Variants in MLPH observed in about 807,000 individuals in gnomAD.
The protein encoded by MLPH is melanophilin, also known as exophilin-3.
MLPH carries 51 observed loss-of-function variants against 72.1 expected under a neutral mutation model. The ratio of observed to expected loss-of-function variants is 0.71; its 90% confidence interval spans 0.56 to 0.89. The LOEUF is 0.89. MLPH is among the 40% of genes least tolerant of loss of function. The pLI, the probability that MLPH is intolerant of heterozygous loss-of-function variation, is 0.00. For synonymous variants in MLPH, 301 were observed against 310.1 expected, an observed-to-expected ratio of 0.97 and a Z score of 0.31; for missense variants, 743 against 759.9, an observed-to-expected ratio of 0.98 and a Z score of 0.26.
At chr2:237,501,805 G>A (rs193158755) in intron 2 of MLPH, among the ~76,000 whole-genome samples, 30 of 151,606 alleles carry the variant, frequency 2.0e-4, no homozygotes, top group African/African-American at 5.8e-4. Flanking sequence ...CTGAGATCGC[G>A]CCACTGCACT....
In MLPH at chr2:237,491,791, A is replaced by G. The variant is rs538551082; in HGVS notation, c.-24-1612A>G. On this transcript the variant is annotated intron_variant, in intron 1 of 15. Coordinates refer to ENST00000264605, the MANE Select transcript of MLPH (RefSeq NM_024101.7). ...CAATATAAGCTGTGAGGCCTGTGTG[A>G]TATTGCCATATGAAAAGCCAGCAAG... Among the ~76,000 whole-genome samples the G allele has an allele frequency of 6.6e-4, 101 of 152,242 alleles. 1 individual carries two copies. Among genetic ancestry groups the G allele is most frequent in the South Asian group, 2.1e-3 (10 of 4,826 alleles).
chr2:237,518,565 A>G lies in MLPH; in HGVS notation c.472A>G (p.Arg158Gly). 6.2e-7 allele frequency: 1 copy of G among 1,613,758 alleles called. No homozygotes were observed. The highest frequency in any genetic ancestry group is 8.5e-7 in the Non-Finnish European group (1 of 1,179,874). The change falls in exon 5 of 16, where the codon AGA becomes GGA. Residue 158 changes from arginine to glycine, a missense_variant. Transcript: ENST00000264605. ...GAGPELISEERSGDSDQTDED... is the reference protein window; with the variant it reads ...GAGPELISEEGSGDSDQTDED... ...TGGGCCTGAACTGATATCTGAAGAGAGAAGTGGAGACAGCGACCAGACAGA... is the reference window on the plus strand; with the variant it reads ...TGGGCCTGAACTGATATCTGAAGAGGGAAGTGGAGACAGCGACCAGACAGA...
At chr2:237,549,312 C>A (rs2080985531) in intron 14 of MLPH, 34 bp downstream of exon 14, 1 of 1,589,872 alleles carries the variant, frequency 6.3e-7, no homozygotes, top group African/African-American at 1.3e-5. Context: ...CCCCATGGGC[C>A]TGGGAAATGA....
chr2:237,500,002 T>C (rs114702040), intron 2 of MLPH, among the ~76,000 whole-genome samples: 3,917 of 152,212 alleles, frequency 0.026, 156 homozygotes, highest in African/African-American at 0.084. Flanking sequence ...CACTTCAACC[T>C]CTCAAAGTGC....
rs552822771 is a variant in MLPH, at chr2:237,511,846, G to A, written c.445+745G>A. ...TGTAAGATCCCCCATAAGGCATTTG[G>A]AAGAGATCTTTTCAGGGAGAGGGTG... On this transcript the variant is annotated intron_variant, in intron 4 of 15. Transcript: ENST00000264605. 9.4e-4 allele frequency among the ~76,000 whole-genome samples: 143 copies of A among 152,330 alleles called. 1 individual carries two copies. The highest frequency in any genetic ancestry group is 3.3e-3 in the African/African-American group (137 of 41,570).
intron 8 of MLPH, among the ~76,000 whole-genome samples, chr2:237,530,171 A>G (rs1458685580): frequency 6.6e-6 from 1 of 152,202 alleles, no homozygotes; most frequent in Non-Finnish European, 1.5e-5. Context: ...GCCTTGGCCT[A>G]CACTGTGGCA....
chr2:237,531,480 G>A (rs1183682167), intron 8 of MLPH, among the ~76,000 whole-genome samples: 1 of 152,188 alleles, frequency 6.6e-6, no homozygotes, highest in Admixed American at 6.5e-5. Flanking sequence ...GGAGAATCAA[G>A]TTGTCTATTT....
chr2:237,503,863 C>T (rs577638702), intron 2 of MLPH, among the ~76,000 whole-genome samples: 14 of 152,316 alleles, frequency 9.2e-5, no homozygotes, highest in Admixed American at 7.8e-4. Flanking sequence ...CCCCAAGAAC[C>T]TCTGAATTCG....
At chr2:237,545,572 A>C in intron 12 of MLPH, 1 of 1,288,056 alleles carries the variant, frequency 7.8e-7, no homozygotes, top group Non-Finnish European at 1.0e-6. Flanking sequence ...GGAAATCCTT[A>C]GTCCGCCGCC....
chr2:237,517,795 G>A (rs1254913563), intron 4 of MLPH, among the ~76,000 whole-genome samples: 3 of 151,576 alleles, frequency 2.0e-5, no homozygotes, highest in African/African-American at 7.3e-5. Context: ...ATTGGTGGGT[G>A]GATGAGTGGG....
intron 12 of MLPH, chr2:237,545,348 C>G (rs1446511264): frequency 2.1e-6 from 2 of 933,754 alleles, no homozygotes; most frequent in African/African-American, 3.5e-5. Flanking sequence ...GGGCCCCCCA[C>G]CTCCCTTCCC....
chr2:237,496,715 A>AG (rs1033553066), intron 2 of MLPH, among the ~76,000 whole-genome samples: 10 of 135,754 alleles, frequency 7.4e-5, no homozygotes, highest in South Asian at 4.4e-4. Flanking sequence ...CTATGTGATT[A>AG]GGGGGGGGCT....
At chr2:237,501,107 C>T (rs575949853) in intron 2 of MLPH, among the ~76,000 whole-genome samples, 3 of 152,258 alleles carry the variant, frequency 2.0e-5, no homozygotes, top group South Asian at 2.1e-4. Flanking sequence ...TCCTCCTTAG[C>T]GCTTCTCCAA....
intron 12 of MLPH, among the ~76,000 whole-genome samples, chr2:237,544,500 G>T (rs1230708183): frequency 1.0e-4 from 2 of 19,284 alleles, no homozygotes; most frequent in Non-Finnish European, 9.7e-5. Context: ...GGACAGTGGT[G>T]AGTGGGGGGA....
chr2:237,512,815 A>C lies in MLPH; in HGVS notation c.445+1714A>C, dbSNP rs1212713286. Reference sequence around the variant, plus strand: ...TTTAGGGACTGGGGTGGGCTCAGGAAGCTGTATTATTTCAAAGGACGCAGT... The same window carrying C: ...TTTAGGGACTGGGGTGGGCTCAGGACGCTGTATTATTTCAAAGGACGCAGT... On this transcript the variant is annotated intron_variant, in intron 4 of 15. Transcript: ENST00000264605. This position sits in a 1 kb window ranked among gnomAD's most constrained non-coding sequence, Gnocchi z 5.5. Among the ~76,000 whole-genome samples, 1 of 152,172 alleles carries C rather than the reference A, an allele frequency of 6.6e-6. No individual in the cohort carries two copies. The highest frequency in any genetic ancestry group is 1.5e-5 in the Non-Finnish European group (1 of 68,038).
At chr2:237,526,502 G>C (rs1372340559) in intron 7 of MLPH, among the ~76,000 whole-genome samples, 1 of 152,112 alleles carries the variant, frequency 6.6e-6, no homozygotes, top group Non-Finnish European at 1.5e-5. Flanking sequence ...TTGGGAGGAA[G>C]GCAGGGCTCT....
chr2:237,515,554 C>T (rs1014516382), intron 4 of MLPH, among the ~76,000 whole-genome samples: 5 of 152,142 alleles, frequency 3.3e-5, no homozygotes, highest in East Asian at 1.9e-4. Flanking sequence ...ACAGAAACCA[C>T]GCGGTCGTTT....
rs560306948 is a variant in MLPH at position 237,490,081 on chromosome 2, G to A, written c.-25+2644G>A. ...AGTGTTTTGTTCAGGAACCTCGTGA[G>A]CAGGCGTTATCTAAACAGAAATGGA... On this transcript the variant is annotated intron_variant, in intron 1 of 15. Coordinates refer to ENST00000264605, the MANE Select transcript of MLPH (RefSeq NM_024101.7). Among the ~76,000 whole-genome samples the A allele has an allele frequency of 3.3e-5, 5 of 152,322 alleles. No homozygotes were observed. The East Asian group carries it at 9.6e-4, about 29-fold the overall frequency.
intron 12 of MLPH, among the ~76,000 whole-genome samples, chr2:237,545,236 G>GA (rs2080888181): frequency 4.3e-5 from 6 of 138,840 alleles, no homozygotes; most frequent in African/African-American, 1.9e-4. Flanking sequence ...GGTGAGTGGG[G>GA]CACAGTGGTG....
Sources: allele counts gnomAD v4.1 joint callset (sites outside exome capture counted in the v4.1 genomes callset), GRCh38; gene constraint gnomAD v4.1.1; non-coding constraint Gnocchi (gnomAD v3.1); transcripts MANE v1.5; gene names NCBI Gene and HGNC (gene_info 2026-07-23, HGNC 2026-07-21).